Variants in THUMPD3 observed in about 807,000 individuals in gnomAD.
THUMPD3 encodes the protein THUMP domain 3 tRNA guanosine methyltransferase.
A neutral mutation model predicts 54.5 loss-of-function variants in THUMPD3; 44 were observed. The ratio of observed to expected loss-of-function variants is 0.81; its 90% CI spans 0.63 to 1.04. The LOEUF is 1.04. Ranked by LOEUF, THUMPD3 falls within the 50% of genes least tolerant of loss-of-function variation. The probability of loss-of-function intolerance (pLI) is 0.00; values close to 1 mark genes in which losing one functional copy is unlikely to be tolerated. For synonymous variants in THUMPD3, 196 were observed against 201.4 expected (o/e 0.97, Z 0.23); for missense variants, 604 against 601.3 (o/e 1.00, Z -0.05).
intron 8 of THUMPD3, 65 bp downstream of exon 8, chr3:9,383,374 G>C: frequency 7.7e-7 from 1 of 1,306,474 alleles, no homozygotes; most frequent in Non-Finnish European, 1.1e-6. Flanking sequence ...TTTATTCTAA[G>C]TCAGGAAAAA....
intron 3 of THUMPD3, among the ~76,000 whole-genome samples, chr3:9,367,792 G>A (rs147970477): frequency 1.1e-3 from 166 of 152,282 alleles, no homozygotes; most frequent in Middle Eastern, 3.4e-3. Context: ...AGGGCCTGGC[G>A]TGGTGGCTCA....
rs115741706 is a variant in THUMPD3, at chr3:9,372,764, A to G, written c.807+1228A>G. Among the ~76,000 whole-genome samples the G allele has an allele frequency of 2.7e-3, 410 of 152,264 alleles. 2 individuals carry two copies. Among genetic ancestry groups the G allele is most frequent in the African/African-American group, 9.6e-3 (400 of 41,548 alleles). On this transcript the variant is annotated intron_variant, in intron 4 of 9. Coordinates refer to ENST00000452837, the MANE Select transcript of THUMPD3 (RefSeq NM_001114092.2). ...TAATCCTCTTTTATCTGGGTGATTGACATGTGAACCATAGGAACTAAAGTA... is the reference window on the plus strand; with the variant it reads ...TAATCCTCTTTTATCTGGGTGATTGGCATGTGAACCATAGGAACTAAAGTA...
Position 9,364,340 on chromosome 3 carries a change from A to T in THUMPD3, c.-53-676A>T, listed in dbSNP as rs535002653. On this transcript the variant is annotated intron_variant, in intron 1 of 9. Coordinates refer to ENST00000452837, the MANE Select transcript of THUMPD3 (RefSeq NM_001114092.2). The stretch of plus-strand genomic sequence containing the variant: ...CATATTATTATTATTATTATTATTT[A>T]TTTTATTTATTTATTTATTTTTTTG... Among the ~76,000 whole-genome samples, 50 of 150,756 alleles carry T rather than the reference A, an allele frequency of 3.3e-4. 1 individual carries two copies. Among genetic ancestry groups the T allele is most frequent in the South Asian group, 6.3e-4 (3 of 4,784 alleles).
intron 7 of THUMPD3, among the ~76,000 whole-genome samples, chr3:9,381,500 T>C (rs1174795147): frequency 2.0e-5 from 3 of 152,200 alleles, no homozygotes. Flanking sequence ...TGCTGGTCTA[T>C]GTATCAACAT....
chr3:9,386,412 G>A lies in THUMPD3; in HGVS notation c.*1724G>A, dbSNP rs1290264737. The A allele has an allele frequency of 3.1e-5, 3 of 97,012 alleles. No homozygotes were observed. The highest frequency in any genetic ancestry group is 3.2e-4 in the South Asian group (1 of 3,082). The allele number at this position is 97,012 out of a possible 1,614,324, so 6.0% of individuals were successfully genotyped here. The stretch of plus-strand genomic sequence containing the variant: ...CCCACTCCACCCCCCACTAAGGGCA[G>A]GGTATTGTATCTGCCAGACTGGGTA... On this transcript the variant is annotated 3_prime_UTR_variant, in exon 10 of 10. Transcript: ENST00000452837.
At chr3:9,384,449 C>T in intron 9 of THUMPD3, 75 bp from the exon 10 acceptor site, 1 of 1,603,818 alleles carries the variant, frequency 6.2e-7, no homozygotes, top group Middle Eastern at 1.7e-4. Context: ...GGTTTCCTAT[C>T]TTGGCAGTTA....
intron 4 of THUMPD3, among the ~76,000 whole-genome samples, chr3:9,373,041 AT>A (rs367670719): frequency 6.6e-6 from 1 of 152,322 alleles, no homozygotes; most frequent in Non-Finnish European, 1.5e-5. Context: ...GAGCCCAAGA[AT>A]TTGAGACCAG....
Position 9,386,429 on chromosome 3 carries a change from G to A in THUMPD3, c.*1741G>A, listed in dbSNP as rs1032192617. 1 of 133,272 alleles carries A rather than the reference G, an allele frequency of 7.5e-6. No individual in the cohort carries two copies. The highest frequency in any genetic ancestry group is 1.5e-5 in the Non-Finnish European group (1 of 65,722). 8.3% of individuals were successfully genotyped at this position (133,272 alleles called of 1,614,324 possible). A position where few individuals can be genotyped will look rare whatever the true frequency, so the allele number is the denominator to read the frequency against. ...TAAGGGCAGGGTATTGTATCTGCCA[G>A]ACTGGGTATTTGTTGAACAAGCGAG... is the stretch of plus-strand genomic sequence containing the variant. On this transcript the variant is annotated 3_prime_UTR_variant, in exon 10 of 10. Transcript: ENST00000452837.
chr3:9,384,243 T>C lies in THUMPD3; in HGVS notation c.1267T>C (p.Tyr423His). The C allele has an allele frequency of 1.2e-6, 2 of 1,614,198 alleles. No individual in the cohort carries two copies. The highest frequency in any genetic ancestry group is 1.7e-6 in the Non-Finnish European group (2 of 1,180,022). The change falls in exon 9 of 10, where the codon TAT becomes CAT. Residue 423 changes from tyrosine (Y) to histidine (H), a missense_variant. Coordinates refer to ENST00000452837, the MANE Select transcript of THUMPD3 (RefSeq NM_001114092.2). Reference sequence around the variant, plus strand: ...ATCCAAGAAGAGAAACTGGAACCTTTATCCAGCTTGCCTACGGGAGATGAG... The same window carrying C: ...ATCCAAGAAGAGAAACTGGAACCTTCATCCAGCTTGCCTACGGGAGATGAG... ...MGSKKRNWNL[Y>H]PACLREMSRV... is the part of the protein sequence containing the mutation.
intron 5 of THUMPD3, among the ~76,000 whole-genome samples, chr3:9,375,605 C>T (rs2032403699): frequency 6.6e-6 from 1 of 152,186 alleles, no homozygotes; most frequent in Admixed American, 6.5e-5. Context: ...ATATACAGTG[C>T]CTGGTATGTC....
chr3:9,383,212 G>A lies in THUMPD3; in HGVS notation c.1138G>A (p.Gly380Ser), dbSNP rs1325388802. The A allele has an allele frequency of 6.2e-7, 1 of 1,613,830 alleles. No homozygotes were observed. Among genetic ancestry groups the A allele is most frequent in the Non-Finnish European group, 8.5e-7 (1 of 1,179,750 alleles). The change falls in exon 8 of 10, where the codon GGC becomes AGC. Residue 380 changes from glycine to serine, a missense_variant. Transcript: ENST00000452837. ...TTGTCCCCACAGCAAACCCTCCTGG[G>A]GCTTGCCCATAGATGCTGTTCAGTG... ...SQIKEGKPSWGLPIDAVQWDI... is the reference protein window; with the variant it reads ...SQIKEGKPSWSLPIDAVQWDI...
Position 9,381,801 on chromosome 3 carries a change from A to T in THUMPD3, c.1124+1183A>T, listed in dbSNP as rs184407789. 8.3e-3 allele frequency among the ~76,000 whole-genome samples: 601 copies of T among 72,826 alleles called. 14 individuals carry two copies. The highest frequency in any genetic ancestry group is 0.05 in the Middle Eastern group (3 of 60). The allele number at this position is 72,826 out of a possible 152,430, so 47.8% of individuals were successfully genotyped here. On this transcript the variant is annotated intron_variant, in intron 7 of 9. Coordinates refer to ENST00000452837, the MANE Select transcript of THUMPD3 (RefSeq NM_001114092.2). ...TTTTTTTTTTTTTTTTTTTTTTGAG[A>T]CGGAGTCTCACTCTGTCGCCCAGGC...
chr3:9,386,111 T>A lies in THUMPD3; in HGVS notation c.*1423T>A, dbSNP rs1208046030. ...AATACTTTTGAAAGAAGAGTTCACA[T>A]TAGCAGCACAGCCAGCAATCCTCAT... On this transcript the variant is annotated 3_prime_UTR_variant, in exon 10 of 10. Transcript: ENST00000452837. 6.6e-6 allele frequency: 1 copy of A among 152,244 alleles called. No individual in the cohort carries two copies. Among genetic ancestry groups the A allele is most frequent in the Non-Finnish European group, 1.5e-5 (1 of 68,058 alleles). The allele number at this position is 152,244 out of a possible 1,614,324, so 9.4% of individuals were successfully genotyped here. A position where few individuals can be genotyped will look rare whatever the true frequency, so the allele number is the denominator to read the frequency against.
rs185836319 is a variant in THUMPD3, at chr3:9,383,717, G to A, written c.1235+408G>A. ...CGGCTCACTGTAACCTCTGCCTCCC[G>A]GGTTCAAGCGATTCTCCTGCCTCAC... On this transcript the variant is annotated intron_variant, in intron 8 of 9. Transcript: ENST00000452837. 1.6e-4 allele frequency among the ~76,000 whole-genome samples: 25 copies of A among 151,816 alleles called. No individual in the cohort carries two copies. In the East Asian group the frequency reaches 3.1e-3, roughly 19 times the overall value.
rs962527626 is a variant in THUMPD3, at chr3:9,383,239, G to A, written c.1165G>A (p.Asp389Asn). Residue 389 changes from aspartate to asparagine, a missense_variant, in exon 8 of 10, where the codon GAT (aspartate) becomes AAT (asparagine). By Grantham distance (23) the Asp-to-Asn change is conservative (BLOSUM62 1). Coordinates refer to ENST00000452837, the MANE Select transcript of THUMPD3 (RefSeq NM_001114092.2). ...WGLPIDAVQW[D>N]ICNLPLRTGS... is the part of the protein sequence containing the mutation. ...CTTGCCCATAGATGCTGTTCAGTGG[G>A]ATATCTGCAATCTGCCATTGAGAAC... 6 of 1,613,958 alleles carry A rather than the reference G, an allele frequency of 3.7e-6. No individual in the cohort carries two copies. In the African/African-American group the frequency reaches 8.0e-5, roughly 22 times the overall value.
intron 3 of THUMPD3, 116 bp downstream of exon 3, chr3:9,367,101 C>T (rs1404361265): frequency 2.8e-6 from 2 of 718,814 alleles, no homozygotes; most frequent in Admixed American, 3.1e-5. Context: ...ATAGAGAATA[C>T]TGGGAGGCTT....
chr3:9,366,682 C>G (rs2031591579), intron 2 of THUMPD3, among the ~76,000 whole-genome samples: 1 of 152,218 alleles, frequency 6.6e-6, no homozygotes, highest in Non-Finnish European at 1.5e-5. Flanking sequence ...CCACAAAACA[C>G]TTCATGCTTC....
chr3:9,366,427 T>A (rs145353407), intron 2 of THUMPD3, among the ~76,000 whole-genome samples: 15 of 152,326 alleles, frequency 9.8e-5, no homozygotes, highest in Non-Finnish European at 2.2e-4. Flanking sequence ...CCATCCAATA[T>A]TTTAGCCAAT....
rs2032022320 is a variant in THUMPD3, at chr3:9,371,355, A to G, written c.626A>G (p.Lys209Arg). Residue 209 changes from lysine to arginine, a missense_variant, in exon 4 of 10, where the codon AAA becomes AGA. Coordinates refer to ENST00000452837, the MANE Select transcript of THUMPD3 (RefSeq NM_001114092.2). Reference protein sequence around the residue: ...TLIGDDLASCKDETDESSKEE... With the variant: ...TLIGDDLASCRDETDESSKEE... Reference sequence around the variant, plus strand: ...ATAGGTGATGATTTGGCATCTTGCAAAGATGAGACTGATGAAAGCTCAAAA... The same window carrying G: ...ATAGGTGATGATTTGGCATCTTGCAGAGATGAGACTGATGAAAGCTCAAAA... The G allele has an allele frequency of 6.2e-7, 1 of 1,614,206 alleles. No homozygotes were observed. The highest frequency in any genetic ancestry group is 8.5e-7 in the Non-Finnish European group (1 of 1,180,042).
Sources: allele counts gnomAD v4.1 joint callset (sites outside exome capture counted in the v4.1 genomes callset), GRCh38; gene constraint gnomAD v4.1.1; transcripts MANE v1.5; gene names NCBI Gene and HGNC (gene_info 2026-07-23, HGNC 2026-07-21).